Variants in LYZL4 observed in about 807,000 individuals in gnomAD.
The protein encoded by LYZL4 is lysozyme like 4.
LYZL4 carries 13 observed loss-of-function variants against 17.6 expected under a neutral mutation model. The ratio of observed to expected loss-of-function variants is 0.74; its 90% CI spans 0.48 to 1.18. The LOEUF (loss-of-function observed/expected upper bound fraction) is 1.18. LYZL4 is among the 50% of genes most tolerant of loss of function. LYZL4 has a pLI of 0.00. For synonymous variants in LYZL4, 64 were observed against 67.7 expected, an observed-to-expected ratio of 0.95 and a Z score of 0.27; for missense variants, 174 against 188.2, an observed-to-expected ratio of 0.92 and a Z score of 0.44.
chr3:42,409,135 C>G (rs893718437), intron 1 of LYZL4, among the ~76,000 whole-genome samples: 1 of 152,154 alleles, frequency 6.6e-6, no homozygotes, highest in Admixed American at 6.5e-5. Context: ...TCCAGCTTTA[C>G]CCCTCAGTGG....
intron 1 of LYZL4, among the ~76,000 whole-genome samples, chr3:42,408,665 G>T (rs970874335): frequency 6.6e-6 from 1 of 152,072 alleles, no homozygotes. Flanking sequence ...ATACCCCATA[G>T]CCCCTAGCAC....
chr3:42,405,104 T>C (rs1053224985), intron 3 of LYZL4, among the ~76,000 whole-genome samples: 34 of 152,172 alleles, frequency 2.2e-4, no homozygotes, highest in African/African-American at 7.7e-4. Context: ...GCTGGAGTAC[T>C]GTGGCGCGAT....
intron 3 of LYZL4, among the ~76,000 whole-genome samples, chr3:42,405,830 C>T (rs989164045): frequency 4.6e-5 from 7 of 152,048 alleles, no homozygotes; most frequent in Non-Finnish European, 5.9e-5. Context: ...GCCTCAGTTT[C>T]CCCATTCATA....
At chr3:42,408,643 C>T (rs532845539) in intron 1 of LYZL4, among the ~76,000 whole-genome samples, 1 of 152,326 alleles carries the variant, frequency 6.6e-6, no homozygotes, top group South Asian at 2.1e-4. Context: ...TGGAACTCAT[C>T]TTCCTCCTGG....
downstream of LYZL4, among the ~76,000 whole-genome samples, chr3:42,396,856 C>T (rs907689773): frequency 6.6e-5 from 10 of 152,240 alleles, no homozygotes; most frequent in Non-Finnish European, 1.5e-4. Context: ...TGGCTGAAGG[C>T]CCTGCTTGTG....
chr3:42,387,671 AAAGAGAAAGG>A, the LYZL4 span, among the ~76,000 whole-genome samples: 2 of 152,162 alleles, frequency 1.3e-5, no homozygotes, highest in Admixed American at 1.3e-4. Flanking sequence ...AAAAAGAACA[AAAGAGAAAGG>A]AAGAGAAAAT....
intron 4 of LYZL4, among the ~76,000 whole-genome samples, chr3:42,400,390 G>A (rs1173106417): frequency 6.6e-6 from 1 of 152,160 alleles, no homozygotes; most frequent in Non-Finnish European, 1.5e-5. Flanking sequence ...ATCCAGGATT[G>A]ATCATATTGC....
chr3:42,386,876 G>C, the LYZL4 span, among the ~76,000 whole-genome samples: 1 of 152,226 alleles, frequency 6.6e-6, no homozygotes, highest in Admixed American at 6.5e-5. Flanking sequence ...AGGAATAGAA[G>C]TAACCAAGTT....
chr3:42,367,049 G>A, the LYZL4 span, among the ~76,000 whole-genome samples: 2 of 152,198 alleles, frequency 1.3e-5, no homozygotes, highest in Non-Finnish European at 2.9e-5. Flanking sequence ...TGATGGCCTG[G>A]TGGCCTTAGA....
chr3:42,410,525 A>G lies in LYZL4; in HGVS notation c.-201T>C, dbSNP rs1698843184. ...GTGTTGCAGGGAAGTTGCTCCACCT[A>G]CATTTGGTTCCTTGGGTTTTTCAGA... is the stretch of plus-strand genomic sequence containing the variant. On this transcript the variant is annotated 5_prime_UTR_variant, in exon 1 of 5. It removes the in-frame stop codon of an upstream open reading frame in the 5' UTR. Coordinates refer to ENST00000287748, the MANE Select transcript of LYZL4 (RefSeq NM_144634.4). The G allele has an allele frequency of 6.6e-6, 1 of 152,144 alleles. No homozygotes were observed. Among genetic ancestry groups the G allele is most frequent in the Admixed American group, 6.5e-5 (1 of 15,278 alleles). The allele number at this position is 152,144 out of a possible 1,614,324, so 9.4% of individuals were successfully genotyped here. A position where few individuals can be genotyped will look rare whatever the true frequency, so the allele number is the denominator to read the frequency against.
At chr3:42,391,744 T>C in the LYZL4 span, among the ~76,000 whole-genome samples, 2 of 152,118 alleles carry the variant, frequency 1.3e-5, no homozygotes, top group Non-Finnish European at 2.9e-5. Context: ...ACAATATCAG[T>C]TTTAAGAAAT....
At chr3:42,393,673 C>T (rs189006871), downstream of LYZL4, among the ~76,000 whole-genome samples, 2 of 152,336 alleles carry the variant, frequency 1.3e-5, no homozygotes, top group Admixed American at 6.5e-5. Context: ...TCCCCAAGAT[C>T]AGAGTTATCT....
chr3:42,392,868 T>TAATGCCAAG (rs1698503339), downstream of LYZL4, among the ~76,000 whole-genome samples: 1 of 150,404 alleles, frequency 6.6e-6, no homozygotes, highest in Non-Finnish European at 1.5e-5. Flanking sequence ...GGTGGTGGAG[T>TAATGCCAAG]TACTAGTAAT....
At chr3:42,395,873 C>T (rs909474992), downstream of LYZL4, among the ~76,000 whole-genome samples, 55 of 152,014 alleles carry the variant, frequency 3.6e-4, no homozygotes, top group Admixed American at 6.5e-4. Flanking sequence ...CCATCCTGGC[C>T]AACATGGTGA....
At chr3:42,378,974 G>A in the LYZL4 span, among the ~76,000 whole-genome samples, 3 of 152,082 alleles carry the variant, frequency 2.0e-5, no homozygotes, top group East Asian at 5.8e-4. Context: ...GAGCTTAAGT[G>A]CTTAATCTCT....
the LYZL4 span, among the ~76,000 whole-genome samples, chr3:42,374,175 T>C: frequency 6.6e-6 from 1 of 152,212 alleles, no homozygotes; most frequent in Non-Finnish European, 1.5e-5. Flanking sequence ...TTGCTTTTCA[T>C]ATATCTTATT....
the LYZL4 span, among the ~76,000 whole-genome samples, chr3:42,365,437 T>C: frequency 6.6e-5 from 10 of 152,174 alleles, no homozygotes; most frequent in Non-Finnish European, 1.3e-4. Flanking sequence ...AGGCTGGCCT[T>C]GACTGGGCTG....
chr3:42,387,191 G>A, the LYZL4 span, among the ~76,000 whole-genome samples: 4 of 151,974 alleles, frequency 2.6e-5, no homozygotes, highest in Admixed American at 6.6e-5. Context: ...TGCTATTGTT[G>A]TCTGTATTTA....
At chr3:42,405,748 C>T (rs1184804068) in intron 3 of LYZL4, among the ~76,000 whole-genome samples, 1 of 152,258 alleles carries the variant, frequency 6.6e-6, no homozygotes, top group African/African-American at 2.4e-5. Flanking sequence ...AGGAGCCGCA[C>T]TGCTTAGGTT....
Sources: allele counts gnomAD v4.1 joint callset (sites outside exome capture counted in the v4.1 genomes callset), GRCh38; gene constraint gnomAD v4.1.1; transcripts MANE v1.5; gene names NCBI Gene and HGNC (gene_info 2026-07-23, HGNC 2026-07-21).